The following STPG2 variants were observed in gnomAD, a reference collection of about 807,000 sequenced individuals.
STPG2 encodes the protein sperm-tail PG-rich repeat-containing protein 2.
Under a neutral mutation model 54.2 loss-of-function variants are expected in STPG2, and 56 were observed. The observed-to-expected ratio is 1.03, with a 90% CI of 0.83 to 1.29. STPG2 has a LOEUF of 1.29. Ranked by LOEUF, STPG2 falls within the 50% of genes most tolerant of loss-of-function variation. STPG2 has a pLI of 0.00. For synonymous variants in STPG2, 200 were observed against 181.8 expected (o/e 1.10, Z -0.81); for missense variants, 596 against 544.9 (o/e 1.09, Z -0.93).
intron 10 of STPG2, among the ~76,000 whole-genome samples, chr4:97,570,076 T>C (rs1175893515): frequency 6.6e-6 from 1 of 152,052 alleles, no homozygotes; most frequent in Non-Finnish European, 1.5e-5. Context: ...TTAAGGATTG[T>C]CACTGTCATG....
intron 4 of STPG2, among the ~76,000 whole-genome samples, chr4:97,445,827 C>T (rs1412776498): frequency 6.6e-6 from 1 of 152,020 alleles, no homozygotes; most frequent in East Asian, 1.9e-4. Context: ...GAATCTAGTT[C>T]CCTAGGAATT....
chr4:97,594,352 T>G (rs979574938), intron 10 of STPG2, among the ~76,000 whole-genome samples: 3 of 152,172 alleles, frequency 2.0e-5, no homozygotes, highest in African/African-American at 7.2e-5. Flanking sequence ...AATTTCAGAA[T>G]ATAATCCGAA....
chr4:98,050,190 T>C (rs2149313276), intron 5 of STPG2, among the ~76,000 whole-genome samples: 1 of 152,258 alleles, frequency 6.6e-6, no homozygotes, highest in East Asian at 1.9e-4. Flanking sequence ...TAGCTGAGGA[T>C]ATTAAACTAT....
chr4:97,614,016 A>G (rs1219811596), intron 10 of STPG2, among the ~76,000 whole-genome samples: 1 of 152,184 alleles, frequency 6.6e-6, no homozygotes, highest in African/African-American at 2.4e-5. Flanking sequence ...AATAAAATAT[A>G]ACATCAATGA....
At chr4:97,907,418 A>G (rs1283746763) in intron 8 of STPG2, among the ~76,000 whole-genome samples, 1 of 152,220 alleles carries the variant, frequency 6.6e-6, no homozygotes, top group East Asian at 1.9e-4. Flanking sequence ...GGAAGAATCA[A>G]TATTGTGAAA....
chr4:97,513,652 A>C (rs1354433990), intron 4 of STPG2, among the ~76,000 whole-genome samples: 1 of 152,160 alleles, frequency 6.6e-6, no homozygotes, highest in East Asian at 1.9e-4. Flanking sequence ...ATTATAGATC[A>C]TATCTCAAAG....
chr4:97,636,137 C>A (rs1721514185), intron 10 of STPG2, among the ~76,000 whole-genome samples: 2 of 150,638 alleles, frequency 1.3e-5, no homozygotes, highest in African/African-American at 4.9e-5. Flanking sequence ...TTATAACAAA[C>A]TATCTCTCAG....
chr4:97,543,712 TAAGA>T (rs2148863475), intron 4 of STPG2, among the ~76,000 whole-genome samples: 1 of 152,242 alleles, frequency 6.6e-6, no homozygotes, highest in East Asian at 1.9e-4. Context: ...TCAGATACAT[TAAGA>T]TTTACATAAT....
At chr4:98,053,372 C>A (rs187986985) in intron 5 of STPG2, among the ~76,000 whole-genome samples, 13 of 152,232 alleles carry the variant, frequency 8.5e-5, no homozygotes, top group Admixed American at 8.5e-4. Context: ...GCTAATCATA[C>A]GTTCAGAATC....
intron 10 of STPG2, among the ~76,000 whole-genome samples, chr4:97,691,962 C>G (rs1723379710): frequency 6.6e-6 from 1 of 152,116 alleles, no homozygotes; most frequent in Non-Finnish European, 1.5e-5. Flanking sequence ...TCAGAAAGCC[C>G]CATCCCTGGG....
At chr4:98,129,599 T>G (rs931169034) in intron 2 of STPG2, among the ~76,000 whole-genome samples, 1 of 152,084 alleles carries the variant, frequency 6.6e-6, no homozygotes, top group African/African-American at 2.4e-5. Flanking sequence ...GTGATTATCC[T>G]TTTATCGAAA....
At chr4:97,696,384 C>A (rs904920147) in intron 10 of STPG2, among the ~76,000 whole-genome samples, 2 of 152,132 alleles carry the variant, frequency 1.3e-5, no homozygotes, top group African/African-American at 4.8e-5. Flanking sequence ...CAAGATGGAT[C>A]AAAGTCTTGA....
chr4:97,698,869 C>T (rs924002685), intron 10 of STPG2, among the ~76,000 whole-genome samples: 21 of 152,126 alleles, frequency 1.4e-4, no homozygotes, highest in Non-Finnish European at 2.9e-4. Flanking sequence ...TGAACATGAG[C>T]CCACTGCCAC....
intron 5 of STPG2, among the ~76,000 whole-genome samples, chr4:98,088,595 A>G (rs915016437): frequency 1.3e-5 from 2 of 150,586 alleles, no homozygotes; most frequent in Non-Finnish European, 3.0e-5. Context: ...TTTTGGCAGT[A>G]TTCCTAAATT....
chr4:97,457,606 T>A (rs141959805), intron 4 of STPG2, among the ~76,000 whole-genome samples: 284 of 152,324 alleles, frequency 1.9e-3, no homozygotes, highest in African/African-American at 6.4e-3. Context: ...CAAATCACTG[T>A]TTGCTCAAAA....
rs569871084 is a variant in STPG2 at position 97,837,065 on chromosome 4, C to A, written c.1204+3708G>T. Among the ~76,000 whole-genome samples the A allele has an allele frequency of 2.2e-4, 33 of 151,598 alleles. No individual in the cohort carries two copies. The South Asian group carries it at 3.5e-3, about 16-fold the overall frequency. ...CAAGATCTTCCCATGTTTAAAAAAA[C>A]CATATAACATTTCTAATATTTTCAT... On this transcript the variant is annotated intron_variant, in intron 9 of 10. Transcript: ENST00000295268.
chr4:97,487,210 C>T lies in STPG2; in HGVS notation c.462+225489G>A, dbSNP rs185443786. Among the ~76,000 whole-genome samples, 219 of 149,142 alleles carry T rather than the reference C, an allele frequency of 1.5e-3. 1 individual carries two copies. The highest frequency in any genetic ancestry group is 3.6e-3 in the Admixed American group (54 of 14,960). On this transcript the variant is annotated intron_variant, in intron 4 of 4. Transcript: ENST00000522676. ...CCCAATAACCTATGGAAAAAAAAAA[C>T]CCAGACCAGGAAGACTACATATGGT... is the stretch of plus-strand genomic sequence containing the variant.
At chr4:97,657,461 T>C (rs1722248074) in intron 10 of STPG2, among the ~76,000 whole-genome samples, 1 of 152,196 alleles carries the variant, frequency 6.6e-6, no homozygotes, top group Admixed American at 6.6e-5. Flanking sequence ...TAAAATATTT[T>C]ATTTAGAAGT....
intron 5 of STPG2, chr4:98,025,933 T>A (rs1380026744): frequency 6.8e-7 from 1 of 1,470,394 alleles, no homozygotes; most frequent in Non-Finnish European, 9.5e-7. Flanking sequence ...TCCCTGGTTA[T>A]GATTCTGAAA....
Sources: gnomAD v4.1 joint callset for allele counts (sites outside exome capture counted in the v4.1 genomes callset) on GRCh38, gnomAD v4.1.1 for gene constraint, MANE v1.5 for transcripts, NCBI Gene and HGNC (gene_info 2026-07-23, HGNC 2026-07-21) for gene names.